Variants in CCDC171 observed in about 807,000 individuals in gnomAD.
The protein encoded by CCDC171 is coiled-coil domain containing 171.
Under a neutral mutation model 168.2 loss-of-function variants are expected in CCDC171, and 177 were observed. That is an observed-to-expected ratio of 1.05 (90% CI 0.93 to 1.19). The LOEUF (loss-of-function observed/expected upper bound fraction) is 1.19. CCDC171 is among the 50% of genes most tolerant of loss of function. The pLI is 0.00. For synonymous variants in CCDC171, 687 were observed against 540.8 expected, an observed-to-expected ratio of 1.27 and a Z score of -3.75; for missense variants, 1,991 against 1,539.0, an observed-to-expected ratio of 1.29 and a Z score of -4.91.
intron 24 of CCDC171, among the ~76,000 whole-genome samples, chr9:15,905,863 T>G (rs1589071547): frequency 6.6e-6 from 1 of 152,006 alleles, no homozygotes; most frequent in East Asian, 1.9e-4. Flanking sequence ...CCCAAAGAAA[T>G]ACAAACTGCC....
At chr9:15,704,953 A>G (rs776261701) in intron 11 of CCDC171, among the ~76,000 whole-genome samples, 2 of 152,144 alleles carry the variant, frequency 1.3e-5, no homozygotes, top group Non-Finnish European at 2.9e-5. Flanking sequence ...CAGAAGGACC[A>G]TTTATGAGCT....
rs141822671 is a variant in CCDC171, at chr9:15,858,667, G to C, written c.3468+9720G>C. Among the ~76,000 whole-genome samples the C allele has an allele frequency of 7.9e-5, 12 of 151,962 alleles. No individual in the cohort carries two copies. The East Asian group carries it at 2.3e-3, about 30-fold the overall frequency. On this transcript the variant is annotated intron_variant, in intron 23 of 25. Transcript: ENST00000380701. Reference sequence around the variant, plus strand: ...TAAGTATTTTATTCTTTTTGATGTGGTTATAAGTGTGATTTTTTTTAGTGT... The same window carrying C: ...TAAGTATTTTATTCTTTTTGATGTGCTTATAAGTGTGATTTTTTTTAGTGT...
At chr9:15,969,028 ATC>A (rs1022535944) in intron 25 of CCDC171, among the ~76,000 whole-genome samples, 12 of 152,264 alleles carry the variant, frequency 7.9e-5, no homozygotes, top group Admixed American at 7.2e-4. Context: ...CTTTAAGGAA[ATC>A]TCTCTGTCTC....
At chr9:15,781,798 G>A (rs2057681997) in intron 20 of CCDC171, among the ~76,000 whole-genome samples, 1 of 152,134 alleles carries the variant, frequency 6.6e-6, no homozygotes, top group African/African-American at 2.4e-5. Context: ...TGTTGACCAG[G>A]TATCAGACAC....
chr9:15,944,887 T>TCTTTC (rs1564040765), intron 25 of CCDC171, among the ~76,000 whole-genome samples: 3 of 150,252 alleles, frequency 2.0e-5, no homozygotes, highest in Admixed American at 6.7e-5. Flanking sequence ...TTTCTTTCTT[T>TCTTTC]TTTATCATTA....
chr9:15,830,083 C>T (rs1215146734), intron 21 of CCDC171, among the ~76,000 whole-genome samples: 1 of 152,174 alleles, frequency 6.6e-6, no homozygotes, highest in Admixed American at 6.5e-5. Context: ...GTTCCTCAAG[C>T]AGTGACAACA....
intron 23 of CCDC171, among the ~76,000 whole-genome samples, chr9:15,870,353 T>G (rs1186879141): frequency 6.6e-6 from 1 of 151,800 alleles, no homozygotes; most frequent in Non-Finnish European, 1.5e-5. Context: ...GAATGCAGGA[T>G]AATGAGAATG....
At chr9:15,880,871 G>T (rs531020982) in intron 24 of CCDC171, among the ~76,000 whole-genome samples, 1 of 152,080 alleles carries the variant, frequency 6.6e-6, no homozygotes, top group Non-Finnish European at 1.5e-5. Context: ...CTTCTTCAAA[G>T]GTTTGTAAAT....
At chr9:16,026,496 C>T (rs1023721131) in intron 6 of CCDC171, among the ~76,000 whole-genome samples, 2 of 152,066 alleles carry the variant, frequency 1.3e-5, no homozygotes, top group African/African-American at 4.8e-5. Flanking sequence ...CGTCTCCACC[C>T]CTTTGACCCC....
At chr9:15,878,358 A>C (rs1818141340) in intron 24 of CCDC171, among the ~76,000 whole-genome samples, 1 of 152,136 alleles carries the variant, frequency 6.6e-6, no homozygotes, top group East Asian at 1.9e-4. Flanking sequence ...ACAAGTTAAC[A>C]GGAGTATGAA....
chr9:15,596,493 CATT>C (rs2042370779), intron 6 of CCDC171, among the ~76,000 whole-genome samples: 1 of 152,074 alleles, frequency 6.6e-6, no homozygotes, highest in Non-Finnish European at 1.5e-5. Flanking sequence ...TGTTCTGTTC[CATT>C]GGTCTATATC....
In CCDC171 at chr9:15,745,510, T is replaced by C. The variant is rs2055205650; in HGVS notation, c.2555-5T>C. The C allele has an allele frequency of 6.5e-7, 1 of 1,529,270 alleles. No individual in the cohort carries two copies. The highest frequency in any genetic ancestry group is 8.8e-7 in the Non-Finnish European group (1 of 1,140,506). The allele number at this position is 1,529,270 out of a possible 1,614,324, so 94.7% of individuals were successfully genotyped here. ...ATTTTACAATGGATTTTTTCAATTT[T>C]ATAGAACATCAAAAGGAGCAGTTGC... is the stretch of plus-strand genomic sequence containing the variant. On this transcript the variant is annotated splice_polypyrimidine_tract_variant and splice_region_variant and intron_variant, in intron 17 of 25. Transcript: ENST00000380701.
At chr9:15,753,847 A>G (rs947343549) in intron 18 of CCDC171, among the ~76,000 whole-genome samples, 55 of 152,316 alleles carry the variant, frequency 3.6e-4, no homozygotes, top group Admixed American at 3.2e-3. Context: ...CATGAGGAAT[A>G]TTGGAAGGAA....
intron 3 of CCDC171, among the ~76,000 whole-genome samples, chr9:15,995,910 C>G (rs1388802142): frequency 6.6e-6 from 1 of 152,126 alleles, no homozygotes; most frequent in Admixed American, 6.5e-5. Flanking sequence ...CAATCCAGAT[C>G]TTCATGTATA....
At chr9:15,738,574 G>T (rs1490285371) in intron 16 of CCDC171, among the ~76,000 whole-genome samples, 1 of 151,872 alleles carries the variant, frequency 6.6e-6, no homozygotes, top group East Asian at 1.9e-4. Context: ...CCTTATGTTT[G>T]TTTTAAAAAT....
At chr9:15,987,112 CTG>C (rs1206285315) in intron 3 of CCDC171, among the ~76,000 whole-genome samples, 1 of 152,080 alleles carries the variant, frequency 6.6e-6, no homozygotes, top group African/African-American at 2.4e-5. Flanking sequence ...CACCTAAAAT[CTG>C]TAACAGAAAC....
chr9:15,646,685 C>T (rs574882654), intron 7 of CCDC171, among the ~76,000 whole-genome samples: 29 of 152,152 alleles, frequency 1.9e-4, no homozygotes, highest in Non-Finnish European at 4.1e-4. Flanking sequence ...GGGATCAATT[C>T]AACAAGAAGA....
At chr9:15,790,576 G>A (rs1374185995) in intron 21 of CCDC171, among the ~76,000 whole-genome samples, 4 of 152,130 alleles carry the variant, frequency 2.6e-5, no homozygotes, top group African/African-American at 7.2e-5. Flanking sequence ...AGTTTCTTTT[G>A]CTGTGCAGAA....
At chr9:15,823,920 A>G (rs77264633) in intron 21 of CCDC171, among the ~76,000 whole-genome samples, 9,992 of 152,236 alleles carry the variant, frequency 0.066, 507 homozygotes, top group South Asian at 0.22. Context: ...AAGTTTTAGA[A>G]TAGACATTGG....
Sources: gnomAD v4.1 joint callset for allele counts (sites outside exome capture counted in the v4.1 genomes callset) on GRCh38, gnomAD v4.1.1 for gene constraint, MANE v1.5 for transcripts, NCBI Gene and HGNC (gene_info 2026-07-23, HGNC 2026-07-21) for gene names.